M1AP: variants seen among roughly 807,000 people sequenced by gnomAD.
The protein encoded by M1AP is meiosis 1 associated protein, also known as meiosis 1 arrest protein.
M1AP carries 39 observed loss-of-function variants against 51.2 expected under a neutral mutation model. The ratio of observed to expected loss-of-function variants is 0.76; its 90% CI spans 0.59 to 1.00. The LOEUF (loss-of-function observed/expected upper bound fraction) is 1.00, where lower values mean the gene tolerates loss of function less well. M1AP is among the 50% of genes least tolerant of loss of function. The pLI, the probability that M1AP is intolerant of heterozygous loss-of-function variation, is 0.00. For missense variants in M1AP, 545 were observed against 641.2 expected, an observed-to-expected ratio of 0.85 and a Z score of 1.62; for synonymous variants, 251 against 249.2, an observed-to-expected ratio of 1.01 and a Z score of -0.07.
chr2:74,585,080 T>C (rs1360790311), intron 4 of M1AP, among the ~76,000 whole-genome samples: 1 of 152,054 alleles, frequency 6.6e-6, no homozygotes, highest in East Asian at 1.9e-4. Context: ...TGAGCTCAAG[T>C]AATCCATCTG....
At chr2:74,611,882 GTTTTTTTTTTT>G (rs1188013311) in intron 3 of M1AP, among the ~76,000 whole-genome samples, 11 of 42,940 alleles carry the variant, frequency 2.6e-4, no homozygotes, top group African/African-American at 7.3e-4. Flanking sequence ...ACAAAAAAGT[GTTTTTTTTTTT>G]TTTTTTTTTT....
At chr2:74,638,004 C>T (rs1683080897) in intron 2 of M1AP, among the ~76,000 whole-genome samples, 1 of 152,196 alleles carries the variant, frequency 6.6e-6, no homozygotes, top group Non-Finnish European at 1.5e-5. Flanking sequence ...CCTAGGTTCT[C>T]CCTCTCTGCA....
chr2:74,574,031 G>A (rs1459221489), intron 7 of M1AP, among the ~76,000 whole-genome samples: 2 of 152,218 alleles, frequency 1.3e-5, no homozygotes, highest in East Asian at 1.9e-4. Flanking sequence ...GCAAAGACAG[G>A]AGATGGGTGT....
At chr2:74,578,417 C>T (rs1255085049) in intron 5 of M1AP, among the ~76,000 whole-genome samples, 1 of 152,272 alleles carries the variant, frequency 6.6e-6, no homozygotes, top group South Asian at 2.1e-4. Context: ...AAACCCCCAC[C>T]CCATGACAGG....
At chr2:74,638,320 TCA>T (rs1392530060) in intron 2 of M1AP, among the ~76,000 whole-genome samples, 1 of 152,186 alleles carries the variant, frequency 6.6e-6, no homozygotes, top group Admixed American at 6.5e-5. Context: ...ATTCTAAGTC[TCA>T]CCTCATTGAC....
At chr2:74,605,573 G>C (rs897564088) in intron 4 of M1AP, among the ~76,000 whole-genome samples, 1 of 152,054 alleles carries the variant, frequency 6.6e-6, no homozygotes, top group Admixed American at 6.5e-5. Context: ...CAGATATCTA[G>C]AACTTACTCA....
chr2:74,648,176 C>G, intron 1 of M1AP, 89 bp downstream of exon 1: 1 of 959,368 alleles, frequency 1.0e-6, no homozygotes, highest in Non-Finnish European at 1.2e-6. Context: ...GAGGACTGGC[C>G]CGAGCTCGGC....
rs952545100 is a variant in M1AP at position 74,648,272 on chromosome 2, C to T, written c.-60G>A. Reference sequence around the variant, plus strand: ...AGGCGTGGAGAACCGTACCTGTCTTCGGAAGACGGAGGCCCCCTCACCTGG... The same window carrying T: ...AGGCGTGGAGAACCGTACCTGTCTTTGGAAGACGGAGGCCCCCTCACCTGG... On this transcript the variant is annotated 5_prime_UTR_variant, in exon 1 of 11. Coordinates refer to ENST00000421985, the MANE Select transcript of M1AP (RefSeq NM_001321739.2). The T allele has an allele frequency of 3.0e-6, 3 of 985,202 alleles. No homozygotes were observed. The highest frequency in any genetic ancestry group is 3.5e-5 in the African/African-American group (2 of 57,252). The allele number at this position is 985,202 out of a possible 1,614,324, so 61.0% of individuals were successfully genotyped here.
chr2:74,634,780 A>G (rs1682887793), intron 2 of M1AP, among the ~76,000 whole-genome samples: 1 of 152,184 alleles, frequency 6.6e-6, no homozygotes, highest in East Asian at 1.9e-4. Context: ...GCCTTTTAAT[A>G]TGGTATACTA....
Position 74,558,547 on chromosome 2 carries a change from TGA to T in M1AP, c.*167_*168del. ...GGCTCGGGTGTGTCGCTTCCAGACT[TGA>T]GGAGTGGGACAGCACTGAAACAGGA... On this transcript the variant is annotated 3_prime_UTR_variant, in exon 11 of 11. Transcript: ENST00000421985. 1 of 682,748 alleles carries T rather than the reference TGA, an allele frequency of 1.5e-6. No homozygotes were observed. The highest frequency in any genetic ancestry group is 2.4e-6 in the Non-Finnish European group (1 of 418,860). The allele number at this position is 682,748 out of a possible 1,614,324, so 42.3% of individuals were successfully genotyped here. A position where few individuals can be genotyped will look rare whatever the true frequency, so the allele number is the denominator to read the frequency against.
chr2:74,629,769 A>C (rs932904051), intron 2 of M1AP, among the ~76,000 whole-genome samples: 10 of 152,050 alleles, frequency 6.6e-5, no homozygotes, highest in Admixed American at 2.6e-4. Context: ...AAAAATGTAT[A>C]AAATTACCTT....
At chr2:74,634,437 A>G (rs1387796247) in intron 2 of M1AP, among the ~76,000 whole-genome samples, 2 of 152,198 alleles carry the variant, frequency 1.3e-5, no homozygotes, top group East Asian at 1.9e-4. Flanking sequence ...ATTCTTTGAC[A>G]TACTTCTCCT....
chr2:74,575,388 G>A, intron 7 of M1AP, 50 bp downstream of exon 7: 11 of 1,609,888 alleles, frequency 6.8e-6, no homozygotes, highest in Non-Finnish European at 9.3e-6. Flanking sequence ...TTCTGTGGTT[G>A]GTACTTTAAA....
intron 7 of M1AP, among the ~76,000 whole-genome samples, chr2:74,566,823 A>G (rs566809764): frequency 6.6e-6 from 1 of 152,176 alleles, no homozygotes; most frequent in African/African-American, 2.4e-5. Flanking sequence ...CTGTGTACTT[A>G]GACTCCTGCT....
Position 74,560,132 on chromosome 2 carries a change from G to C in M1AP, c.1422+19C>G, listed in dbSNP as rs1248594957. 6.2e-7 allele frequency: 1 copy of C among 1,612,524 alleles called. No individual in the cohort carries two copies. The highest frequency in any genetic ancestry group is 1.7e-5 in the Admixed American group (1 of 59,888). On this transcript the variant is annotated intron_variant, in intron 9 of 10. Coordinates refer to ENST00000421985, the MANE Select transcript of M1AP (RefSeq NM_001321739.2). ...AGGGAGGGGAAGTAAGGAAGAGGAG[G>C]GAAGGAGGGGAGCGGTACCTTTCTC... is the stretch of plus-strand genomic sequence containing the variant.
intron 4 of M1AP, among the ~76,000 whole-genome samples, chr2:74,600,885 CTT>C (rs886481412): frequency 1.5e-4 from 23 of 152,070 alleles, no homozygotes; most frequent in Admixed American, 9.2e-4. Context: ...AAATTATAGT[CTT>C]ATATTCTTAA....
intron 7 of M1AP, among the ~76,000 whole-genome samples, chr2:74,574,689 T>C (rs945194868): frequency 2.0e-5 from 3 of 152,266 alleles, no homozygotes; most frequent in African/African-American, 7.2e-5. Flanking sequence ...AAGCTTTGCA[T>C]GATTTGACCC....
At chr2:74,645,297 C>T (rs1683538095) in intron 1 of M1AP, among the ~76,000 whole-genome samples, 1 of 152,186 alleles carries the variant, frequency 6.6e-6, no homozygotes, top group African/African-American at 2.4e-5. Flanking sequence ...TCCGGACACA[C>T]CATCTTTAAG....
At chr2:74,616,394 C>T (rs910617587) in intron 2 of M1AP, among the ~76,000 whole-genome samples, 23 of 152,016 alleles carry the variant, frequency 1.5e-4, no homozygotes, top group African/African-American at 5.3e-4. Context: ...CAAAACAGTC[C>T]AATTGAATCT....
Sources: gnomAD v4.1 joint callset for allele counts (sites outside exome capture counted in the v4.1 genomes callset) on GRCh38, gnomAD v4.1.1 for gene constraint, MANE v1.5 for transcripts, NCBI Gene and HGNC (gene_info 2026-07-23, HGNC 2026-07-21) for gene names.